Variants in GTF2A1L observed in about 807,000 individuals in gnomAD.
The protein encoded by GTF2A1L is TFIIA-alpha and beta-like factor.
GTF2A1L carries 48 observed loss-of-function variants against 49.7 expected under a neutral mutation model. The ratio of observed to expected loss-of-function variants is 0.97; its 90% confidence interval spans 0.77 to 1.23. The LOEUF is 1.23. Ranked by LOEUF, GTF2A1L falls within the 50% of genes most tolerant of loss-of-function variation. The pLI is 0.00. For missense variants in GTF2A1L, 736 were observed against 564.8 expected (o/e 1.30, Z -3.07); for synonymous variants, 246 against 193.5 (o/e 1.27, Z -2.25).
Position 48,646,973 on chromosome 2 carries a change from G to A in GTF2A1L, c.909G>A (p.Met303Ile). The change falls in exon 6 of 9, where the codon ATG becomes ATA. Residue 303 changes from methionine (M) to isoleucine (I), a missense_variant. Physicochemically the swap from Met to Ile is conservative, Grantham distance 10 (BLOSUM62 1). Transcript: ENST00000403751. ...AGCTTCATATTCTTAAAAATAGGAT[G>A]TATGGATGTGATTCTGTAAAGCAAC... Reference protein sequence around the residue: ...DIQLHILKNRMYGCDSVKQPR... With the variant: ...DIQLHILKNRIYGCDSVKQPR... 4 of 1,614,104 alleles carry A rather than the reference G, an allele frequency of 2.5e-6. No individual in the cohort carries two copies. The highest frequency in any genetic ancestry group is 3.4e-6 in the Non-Finnish European group (4 of 1,180,014).
intron 3 of GTF2A1L, among the ~76,000 whole-genome samples, chr2:48,638,263 G>A (rs1677012472): frequency 6.6e-6 from 1 of 152,070 alleles, no homozygotes. Context: ...CAAAGCCTGG[G>A]AGAGACACAA....
chr2:48,642,233 T>A (rs1222232347), intron 3 of GTF2A1L, among the ~76,000 whole-genome samples, 169 bp from the exon 4 acceptor site: 1 of 152,196 alleles, frequency 6.6e-6, no homozygotes, highest in East Asian at 1.9e-4. Flanking sequence ...GTGAAGTTGT[T>A]GCAAAAAATA....
At chr2:48,635,618 A>G (rs901426583) in intron 3 of GTF2A1L, among the ~76,000 whole-genome samples, 1 of 151,976 alleles carries the variant, frequency 6.6e-6, no homozygotes, top group African/African-American at 2.4e-5. Context: ...TGCAATAGGG[A>G]AGAGTATAAT....
intron 6 of GTF2A1L, among the ~76,000 whole-genome samples, chr2:48,663,104 T>G (rs1406874812): frequency 6.6e-6 from 1 of 151,822 alleles, no homozygotes; most frequent in Non-Finnish European, 1.5e-5. Context: ...AGGAAAGAGG[T>G]CTCCCTTGTA....
chr2:48,629,202 C>T (rs1245070415), intron 3 of GTF2A1L, among the ~76,000 whole-genome samples: 2 of 142,236 alleles, frequency 1.4e-5, no homozygotes, highest in African/African-American at 5.0e-5. Flanking sequence ...GATCATGTCA[C>T]CGCACTCTAG....
chr2:48,629,252 A>C (rs1242417128), intron 3 of GTF2A1L, among the ~76,000 whole-genome samples: 1 of 144,004 alleles, frequency 6.9e-6, no homozygotes, highest in Admixed American at 7.1e-5. Context: ...AAAAAAAAAA[A>C]AGTGACTTTA....
Position 48,626,073 on chromosome 2 carries a change from T to C in GTF2A1L, c.247+4783T>C, listed in dbSNP as rs116316081. ...GTATGAAAATAAGAGTCCATTTCAT[T>C]CTTTTGTGTGTGGAAATTCACTTCT... On this transcript the variant is annotated intron_variant, in intron 3 of 8. Transcript: ENST00000403751. Among the ~76,000 whole-genome samples the C allele has an allele frequency of 1.8e-3, 258 of 144,308 alleles. 17 individuals carry two copies. Among genetic ancestry groups the C allele is most frequent in the African/African-American group, 6.1e-3 (248 of 40,622 alleles). 94.7% of individuals were successfully genotyped at this position (144,308 alleles called of 152,430 possible).
At chr2:48,640,566 T>A (rs1440262568) in intron 3 of GTF2A1L, among the ~76,000 whole-genome samples, 1 of 152,128 alleles carries the variant, frequency 6.6e-6, no homozygotes, top group Non-Finnish European at 1.5e-5. Flanking sequence ...GTAGAAAAGA[T>A]AACTACTAGG....
At chr2:48,635,724 G>A (rs567766031) in intron 3 of GTF2A1L, among the ~76,000 whole-genome samples, 13 of 152,122 alleles carry the variant, frequency 8.5e-5, no homozygotes, top group South Asian at 6.2e-4. Flanking sequence ...AGTCTGTGGC[G>A]CAAGAGTAAA....
intron 1 of GTF2A1L, among the ~76,000 whole-genome samples, chr2:48,618,817 G>C (rs1344309750): frequency 6.6e-6 from 1 of 152,172 alleles, no homozygotes; most frequent in African/African-American, 2.4e-5. Flanking sequence ...TTTAATAACA[G>C]GGATGCAATA....
At position 48,646,847 on chromosome 2, in the gene GTF2A1L, G is replaced by C; in HGVS notation, c.783G>C (p.Glu261Asp). 6.2e-7 allele frequency: 1 copy of C among 1,614,058 alleles called. No homozygotes were observed. Among genetic ancestry groups the C allele is most frequent in the Non-Finnish European group, 8.5e-7 (1 of 1,179,976 alleles). The change falls in exon 6 of 9, where the codon GAG becomes GAC. Residue 261 changes from glutamate (E) to aspartate (D), a missense_variant. By Grantham distance (45) the Glu-to-Asp change is conservative (BLOSUM62 2). Coordinates refer to ENST00000403751, the MANE Select transcript of GTF2A1L (RefSeq NM_006872.5). ...TCTCTCAAACAAATTCTAATGTGGA[G>C]TCAGTGCTCAGTGGTTCAGCTAGCA... The part of the protein sequence containing the change: ...PQVSQTNSNV[E>D]SVLSGSASMA...
At chr2:48,626,699 A>C (rs542658635) in intron 3 of GTF2A1L, among the ~76,000 whole-genome samples, 2 of 143,608 alleles carry the variant, frequency 1.4e-5, no homozygotes, top group East Asian at 2.0e-4. Context: ...CGGACTCCCA[A>C]AGTAGCTGGG....
At chr2:48,671,259 G>A (rs1437368420) in intron 7 of GTF2A1L, among the ~76,000 whole-genome samples, 2 of 152,166 alleles carry the variant, frequency 1.3e-5, no homozygotes, top group African/African-American at 2.4e-5. Flanking sequence ...CTTGAGTGCA[G>A]TGGTGTGATC....
intron 1 of GTF2A1L, among the ~76,000 whole-genome samples, chr2:48,620,218 A>G (rs115557242): frequency 0.017 from 2,549 of 152,296 alleles, 69 homozygotes; most frequent in African/African-American, 0.058. Context: ...AAAGGAGTTG[A>G]GGAGGTTAAA....
intron 8 of GTF2A1L, among the ~76,000 whole-genome samples, chr2:48,674,729 G>A (rs1014024665): frequency 3.9e-5 from 6 of 152,156 alleles, no homozygotes; most frequent in African/African-American, 1.4e-4. Flanking sequence ...TTGCCGCAAT[G>A]TGGGAGATAC....
chr2:48,623,388 C>A (rs1676121856), intron 3 of GTF2A1L, among the ~76,000 whole-genome samples: 1 of 152,194 alleles, frequency 6.6e-6, no homozygotes, highest in South Asian at 2.1e-4. Flanking sequence ...TACCGTCTCA[C>A]ACTAGTCAGA....
Position 48,621,293 on chromosome 2 carries a change from T to G in GTF2A1L, c.247+3T>G. ...CCAAACATTGCAATCGTCAACAGGT[T>G]GGATACCATTAGTAAATGAGTACTG... On this transcript the variant is annotated splice_donor_region_variant and intron_variant, in intron 3 of 8. Transcript: ENST00000403751. 1 of 1,614,100 alleles carries G rather than the reference T, an allele frequency of 6.2e-7. No individual in the cohort carries two copies. The highest frequency in any genetic ancestry group is 2.2e-5 in the East Asian group (1 of 44,866).
intron 1 of GTF2A1L, chr2:48,618,125 T>C (rs1338721606): frequency 3.8e-6 from 2 of 530,226 alleles, no homozygotes; most frequent in African/African-American, 3.9e-5. Context: ...AGTGCCCTTT[T>C]TCTCTTTTTA....
At chr2:48,665,352 C>T (rs1328646030) in intron 6 of GTF2A1L, among the ~76,000 whole-genome samples, 1 of 145,530 alleles carries the variant, frequency 6.9e-6, no homozygotes, top group South Asian at 2.2e-4. Flanking sequence ...TATTTCCTTC[C>T]TCCTGTTTAC....
Sources: gnomAD v4.1 joint callset for allele counts (sites outside exome capture counted in the v4.1 genomes callset) on GRCh38, gnomAD v4.1.1 for gene constraint, MANE v1.5 for transcripts, NCBI Gene and HGNC (gene_info 2026-07-23, HGNC 2026-07-21) for gene names.